MACROD2: variants seen among roughly 807,000 people sequenced by gnomAD.
MACROD2 encodes mono-ADP ribosylhydrolase 2, also known as ADP-ribose glycohydrolase MACROD2.
A neutral mutation model predicts 70.4 loss-of-function variants in MACROD2; 36 were observed. The observed-to-expected ratio is 0.51, with a 90% confidence interval of 0.39 to 0.68. The LOEUF (loss-of-function observed/expected upper bound fraction) is 0.68, where lower values mean the gene tolerates loss of function less well. Among genes scored for constraint, MACROD2 ranks in the 30% least tolerant of loss-of-function variants. The pLI is 0.00. For missense variants in MACROD2, 496 were observed against 538.4 expected (o/e 0.92, Z 0.78); for synonymous variants, 172 against 178.8 (o/e 0.96, Z 0.30).
At chr20:15,719,471 T>C (rs1371640573) in intron 8 of MACROD2, among the ~76,000 whole-genome samples, 1 of 152,196 alleles carries the variant, frequency 6.6e-6, no homozygotes, top group Admixed American at 6.5e-5. Context: ...AGGGAAAAGC[T>C]ATTCAATCAT....
intron 8 of MACROD2, among the ~76,000 whole-genome samples, chr20:15,623,729 T>G (rs1600680810): frequency 6.7e-6 from 1 of 149,174 alleles, no homozygotes; most frequent in Non-Finnish European, 1.5e-5. Flanking sequence ...TCGATGTGTC[T>G]ATGTATCTAT....
At chr20:14,864,438 A>T (rs2073405876) in intron 5 of MACROD2, among the ~76,000 whole-genome samples, 1 of 152,114 alleles carries the variant, frequency 6.6e-6, no homozygotes, top group Non-Finnish European at 1.5e-5. Context: ...TTTATACTGT[A>T]AAACTTTAAT....
At chr20:15,965,439 G>A (rs548348937) in intron 12 of MACROD2, among the ~76,000 whole-genome samples, 2 of 152,040 alleles carry the variant, frequency 1.3e-5, no homozygotes, top group South Asian at 4.2e-4. Context: ...TGTAATATTT[G>A]GGCAGAATCA....
At chr20:15,573,784 G>A (rs1384513607) in intron 8 of MACROD2, among the ~76,000 whole-genome samples, 3 of 151,902 alleles carry the variant, frequency 2.0e-5, no homozygotes, top group Admixed American at 6.6e-5. Flanking sequence ...CCTCTCCTGC[G>A]CTTAGGGAAC....
chr20:14,018,009 T>A (rs993811609), intron 2 of MACROD2, among the ~76,000 whole-genome samples: 1 of 152,290 alleles, frequency 6.6e-6, no homozygotes, highest in Middle Eastern at 3.4e-3. Context: ...TATTTCTTTG[T>A]CAGTTTGGGT....
intron 5 of MACROD2, among the ~76,000 whole-genome samples, chr20:14,971,672 C>G (rs1314911018): frequency 6.6e-6 from 1 of 152,016 alleles, no homozygotes; most frequent in Non-Finnish European, 1.5e-5. Flanking sequence ...CATCTGAAGA[C>G]TCAACCTGGC....
intron 3 of MACROD2, among the ~76,000 whole-genome samples, chr20:14,457,570 TC>T (rs947430709): frequency 3.3e-5 from 5 of 152,154 alleles, no homozygotes; most frequent in African/African-American, 9.6e-5. Context: ...GTGTACACAC[TC>T]CCCCCGTACA....
intron 5 of MACROD2, among the ~76,000 whole-genome samples, chr20:15,212,410 C>T (rs1307861847): frequency 6.6e-6 from 1 of 152,196 alleles, no homozygotes; most frequent in Non-Finnish European, 1.5e-5. Context: ...AGAATGAGCT[C>T]TTCCTACTGC....
intron 4 of MACROD2, among the ~76,000 whole-genome samples, chr20:14,672,718 GAC>G (rs1233078230): frequency 6.6e-6 from 1 of 152,134 alleles, no homozygotes; most frequent in Non-Finnish European, 1.5e-5. Flanking sequence ...AAGCGACAGA[GAC>G]TGGCATTTTG....
At chr20:15,727,256 C>A (rs969061726) in intron 8 of MACROD2, among the ~76,000 whole-genome samples, 3 of 151,900 alleles carry the variant, frequency 2.0e-5, no homozygotes, top group African/African-American at 7.2e-5. Flanking sequence ...TGTAGATAGG[C>A]AGCTTTATTT....
At chr20:15,741,289 C>T (rs993297797) in intron 8 of MACROD2, among the ~76,000 whole-genome samples, 4 of 148,158 alleles carry the variant, frequency 2.7e-5, no homozygotes, top group African/African-American at 5.0e-5. Flanking sequence ...TTAGTAGAAA[C>T]GGGGTTTCAC....
intron 6 of MACROD2, among the ~76,000 whole-genome samples, chr20:15,236,442 A>C (rs2077014652): frequency 6.6e-6 from 1 of 152,238 alleles, no homozygotes. Flanking sequence ...TTTGAGTTAG[A>C]GGGGTGAATG....
intron 3 of MACROD2, among the ~76,000 whole-genome samples, chr20:14,460,569 A>T (rs1302441526): frequency 4.6e-5 from 7 of 152,076 alleles, no homozygotes; most frequent in Non-Finnish European, 1.0e-4. Context: ...TTTGTCATAA[A>T]TAACTTATTA....
chr20:15,938,106 A>T (rs965831994), intron 12 of MACROD2, among the ~76,000 whole-genome samples: 1 of 151,866 alleles, frequency 6.6e-6, no homozygotes, highest in South Asian at 2.1e-4. Context: ...TTTCTAGGAG[A>T]CAGTTTGAGG....
chr20:15,241,382 A>G (rs941079135), intron 6 of MACROD2, among the ~76,000 whole-genome samples: 1 of 152,196 alleles, frequency 6.6e-6, no homozygotes, highest in African/African-American at 2.4e-5. Flanking sequence ...ATGCTGTGAC[A>G]TTCATTATTA....
At chr20:15,138,333 A>T (rs1037392130) in intron 5 of MACROD2, among the ~76,000 whole-genome samples, 3 of 152,182 alleles carry the variant, frequency 2.0e-5, no homozygotes, top group African/African-American at 7.2e-5. Flanking sequence ...TTCTAAATCT[A>T]AGGCATGAAT....
chr20:14,897,987 G>C (rs2149829), intron 5 of MACROD2, among the ~76,000 whole-genome samples: 138,076 of 152,106 alleles, frequency 0.91, 62,855 homozygotes, highest in East Asian at 1. Flanking sequence ...CCTCTTAATA[G>C]CATCATCTTG....
intron 8 of MACROD2, among the ~76,000 whole-genome samples, chr20:15,612,538 A>G (rs1489462177): frequency 6.6e-6 from 1 of 152,226 alleles, no homozygotes; most frequent in Admixed American, 6.5e-5. Flanking sequence ...TTTAAAAAAC[A>G]TATTCATAGG....
intron 3 of MACROD2, among the ~76,000 whole-genome samples, chr20:14,491,313 A>G (rs1405222106): frequency 6.6e-6 from 1 of 152,220 alleles, no homozygotes; most frequent in Non-Finnish European, 1.5e-5. Flanking sequence ...TGGATAAAAT[A>G]GACAAATTTG....
Sources: allele counts gnomAD v4.1 joint callset (sites outside exome capture counted in the v4.1 genomes callset), GRCh38; gene constraint gnomAD v4.1.1; transcripts MANE v1.5; gene names NCBI Gene and HGNC (gene_info 2026-07-23, HGNC 2026-07-21).